The following DNASE1 variants were observed in gnomAD, a reference collection of about 807,000 sequenced individuals.
The protein encoded by DNASE1 is deoxyribonuclease-1.
DNASE1 carries 40 observed loss-of-function variants against 33.9 expected under a neutral mutation model. The observed-to-expected ratio is 1.18, with a 90% CI of 0.92 to 1.54. DNASE1 has a LOEUF of 1.54. Among genes scored for constraint, DNASE1 ranks in the 40% most tolerant of loss-of-function variants. The pLI, the probability that DNASE1 is intolerant of heterozygous loss-of-function variation, is 0.00. For missense variants in DNASE1, 518 were observed against 372.6 expected (o/e 1.39, Z -3.21); for synonymous variants, 216 against 160.0 (o/e 1.35, Z -2.64).
Position 3,656,098 on chromosome 16 carries a change from C to G in DNASE1, c.237-4C>G, listed in dbSNP as rs1256110354. ...CACTGGGACCTTTTGTTTCTTCAAT[C>G]CAGGGATGCACCAGACACCTATCAC... On this transcript the variant is annotated splice_polypyrimidine_tract_variant and splice_region_variant and intron_variant, in intron 3 of 8. Coordinates refer to ENST00000246949, the MANE Select transcript of DNASE1 (RefSeq NM_005223.4). 1 of 1,614,042 alleles carries G rather than the reference C, an allele frequency of 6.2e-7. No individual in the cohort carries two copies. Among genetic ancestry groups the G allele is most frequent in the Admixed American group, 1.7e-5 (1 of 60,022 alleles).
upstream of DNASE1, among the ~76,000 whole-genome samples, chr16:3,639,054 G>A (rs888408991): frequency 6.6e-5 from 10 of 151,980 alleles, no homozygotes; most frequent in East Asian, 3.9e-4. Flanking sequence ...TATCTCTGTC[G>A]TTTCTAGGTC....
chr16:3,657,446 A>C, intron 7 of DNASE1, 105 bp downstream of exon 7: 2 of 1,460,398 alleles, frequency 1.4e-6, no homozygotes, highest in Non-Finnish European at 9.3e-7. Flanking sequence ...CACTCACCCA[A>C]CTGAGCTTCA....
upstream of DNASE1, chr16:3,654,385 C>A (rs45522434): frequency 3.9e-3 from 1,565 of 398,754 alleles, 14 homozygotes; most frequent in African/African-American, 0.02. Flanking sequence ...GTTGCCTGCA[C>A]CTGATGGCGA....
upstream of DNASE1, among the ~76,000 whole-genome samples, chr16:3,641,908 T>G (rs1014070769): frequency 1.1e-4 from 16 of 152,210 alleles, no homozygotes; most frequent in Non-Finnish European, 4.4e-5. Flanking sequence ...GGAACCAGCC[T>G]TCCCAGCCGT....
At chr16:3,662,024 C>T (rs368514972), downstream of DNASE1, 73 of 1,612,708 alleles carry the variant, frequency 4.5e-5, no homozygotes, top group Non-Finnish European at 5.7e-5. Flanking sequence ...AGGAGCTGTG[C>T]GCGCTCCTCC....
intron 1 of DNASE1, among the ~76,000 whole-genome samples, chr16:3,629,640 T>A (rs2151175138): frequency 6.6e-6 from 1 of 152,326 alleles, no homozygotes; most frequent in East Asian, 1.9e-4. Flanking sequence ...GGAAAAGTTT[T>A]GAGAAGGGTT....
At chr16:3,656,574 T>G in intron 4 of DNASE1, 64 bp from the exon 5 acceptor site, 1 of 1,430,666 alleles carries the variant, frequency 7.0e-7, no homozygotes, top group Non-Finnish European at 9.7e-7. Flanking sequence ...GCCTGCCTCC[T>G]GGGAAGCAGG....
chr16:3,656,994 C>A lies in DNASE1; in HGVS notation c.437-5C>A. The A allele has an allele frequency of 6.2e-7, 1 of 1,613,300 alleles. No individual in the cohort carries two copies. The highest frequency in any genetic ancestry group is 1.1e-5 in the South Asian group (1 of 90,976). On this transcript the variant is annotated splice_region_variant and splice_polypyrimidine_tract_variant and intron_variant, in intron 5 of 8. Transcript: ENST00000246949. ...GTGCCTCACACGACGTGGCTGTCTC[C>A]ACAGAGGTCAGGGAGTTTGCCATTG...
At position 3,664,384 on chromosome 16, in the gene DNASE1, C is replaced by T. The variant is rs368889500; in HGVS notation, c.*6431C>T. 24 of 1,611,898 alleles carry T rather than the reference C, an allele frequency of 1.5e-5. No individual in the cohort carries two copies. Among genetic ancestry groups the T allele is most frequent in the African/African-American group, 2.7e-5 (2 of 74,888 alleles). On this transcript the variant is annotated 3_prime_UTR_variant, in exon 10 of 10. Coordinates refer to the DNASE1 transcript ENST00000407479. Reference sequence around the variant, plus strand: ...CGGGTGCCGGCCCGCATGCGGCTGGCGTATTCTGAGAGGCTGGTTAGCTGC... The same window carrying T: ...CGGGTGCCGGCCCGCATGCGGCTGGTGTATTCTGAGAGGCTGGTTAGCTGC...
intron 1 of DNASE1, among the ~76,000 whole-genome samples, chr16:3,643,730 C>T (rs1596612667): frequency 6.6e-6 from 1 of 152,166 alleles, no homozygotes; most frequent in African/African-American, 2.4e-5. Flanking sequence ...GTATGTTAAT[C>T]ACATCTGTTT....
chr16:3,656,127 G>A lies in DNASE1; in HGVS notation c.262G>A (p.Val88Met), dbSNP rs977605156. The A allele has an allele frequency of 4.3e-6, 7 of 1,613,960 alleles. No homozygotes were observed. Among genetic ancestry groups the A allele is most frequent in the East Asian group, 2.2e-5 (1 of 44,878 alleles). ...GGATGCACCAGACACCTATCACTAC[G>A]TGGTCAGTGAGCCACTGGGACGGAA... ...NQDAPDTYHY[V>M]VSEPLGRNSY... Residue 88 changes from valine to methionine, a missense_variant, in exon 4 of 9, where the codon GTG becomes ATG. Coordinates refer to ENST00000246949, the MANE Select transcript of DNASE1 (RefSeq NM_005223.4).
chr16:3,663,117 C>T (rs2043176935), exon 10 of DNASE1: 6 of 701,194 alleles, frequency 8.6e-6, no homozygotes, highest in Non-Finnish European at 1.2e-5. Flanking sequence ...AAAAGTAAAA[C>T]CTCAAAGGAT....
chr16:3,651,114 C>A (rs376607511), upstream of DNASE1: 1 of 152,196 alleles, frequency 6.6e-6, no homozygotes, highest in Non-Finnish European at 1.5e-5. Flanking sequence ...CTGGCCTGCA[C>A]GTCGCTGGGT....
intron 1 of DNASE1, among the ~76,000 whole-genome samples, chr16:3,646,027 G>A (rs1187356571): frequency 1.3e-5 from 2 of 152,174 alleles, no homozygotes; most frequent in Admixed American, 6.5e-5. Context: ...CCAAGGGAGA[G>A]GAGAGAAAGA....
chr16:3,657,451 G>T, intron 7 of DNASE1, 110 bp downstream of exon 7: 1 of 1,423,862 alleles, frequency 7.0e-7, no homozygotes, highest in Non-Finnish European at 9.5e-7. Flanking sequence ...ACCCAACTGA[G>T]CTTCAGTTGA....
intron 1 of DNASE1, among the ~76,000 whole-genome samples, chr16:3,624,734 G>T (rs746695884): frequency 2.6e-5 from 4 of 152,160 alleles, no homozygotes; most frequent in Non-Finnish European, 5.9e-5. Context: ...AGGCTGGAGT[G>T]CAGTAGTGGG....
intron 1 of DNASE1, among the ~76,000 whole-genome samples, chr16:3,619,288 G>A (rs1479867969): frequency 6.6e-6 from 1 of 152,104 alleles, no homozygotes; most frequent in African/African-American, 2.4e-5. Context: ...TGCCCACCTT[G>A]GCCTCCCAAA....
exon 10 of DNASE1, chr16:3,663,202 C>G (rs2050727586): frequency 1.4e-6 from 1 of 690,958 alleles, no homozygotes. Context: ...GAAGCTGGGC[C>G]AGCTCCAGAA....
intron 1 of DNASE1, among the ~76,000 whole-genome samples, chr16:3,614,480 T>A (rs1397499083): frequency 2.6e-5 from 4 of 152,258 alleles, no homozygotes; most frequent in African/African-American, 9.6e-5. Context: ...CCAGAACCTT[T>A]ATGGGGTTCC....
Sources: allele counts gnomAD v4.1 joint callset (sites outside exome capture counted in the v4.1 genomes callset), GRCh38; gene constraint gnomAD v4.1.1; transcripts MANE v1.5; gene names NCBI Gene and HGNC (gene_info 2026-07-23, HGNC 2026-07-21).